LBP: variants seen among roughly 807,000 people sequenced by gnomAD.
LBP encodes lipopolysaccharide-binding protein.
In LBP, 53 loss-of-function variants were observed where a neutral mutation model predicts 56.6. The observed-to-expected ratio is 0.94, with a 90% confidence interval of 0.75 to 1.18. The LOEUF (loss-of-function observed/expected upper bound fraction) is 1.18, where lower values mean the gene tolerates loss of function less well. Ranked by LOEUF, LBP falls within the 50% of genes most tolerant of loss-of-function variation. The pLI is 0.00. For synonymous variants in LBP, 227 were observed against 247.5 expected (o/e 0.92, Z 0.78); for missense variants, 601 against 598.3 (o/e 1.00, Z -0.05).
At chr20:38,360,913 A>C in intron 6 of LBP, 146 bp downstream of exon 6, 64 of 540,328 alleles carry the variant, frequency 1.2e-4, no homozygotes, top group Non-Finnish European at 1.6e-4. Flanking sequence ...CTGTAATCTC[A>C]GCAGTCTGGG....
intron 8 of LBP, among the ~76,000 whole-genome samples, chr20:38,365,706 AAAAAAAAAAAAATAT>A (rs1315541969): frequency 3.9e-5 from 3 of 76,728 alleles, no homozygotes; most frequent in African/African-American, 1.9e-4. Context: ...CAAAAAAAAA[AAAAAAAAAAAAATAT>A]ATATATATAT....
intron 9 of LBP, among the ~76,000 whole-genome samples, chr20:38,368,445 C>A: frequency 6.6e-6 from 1 of 152,106 alleles, no homozygotes; most frequent in East Asian, 1.9e-4. Flanking sequence ...ACTAAAAATA[C>A]AAAATTAGCC....
chr20:38,347,541 C>CA (rs530947229), intron 1 of LBP, among the ~76,000 whole-genome samples: 2 of 151,624 alleles, frequency 1.3e-5, no homozygotes, highest in Admixed American at 6.6e-5. Flanking sequence ...GAGACTGTCT[C>CA]AAAAAAATAA....
At chr20:38,360,242 A>G (rs1158088694) in intron 5 of LBP, among the ~76,000 whole-genome samples, 3 of 147,528 alleles carry the variant, frequency 2.0e-5, no homozygotes, top group Non-Finnish European at 4.5e-5. Flanking sequence ...CCTGGCCAAC[A>G]GGGCGAGACT....
At chr20:38,376,424 T>C (rs1423482935) in intron 14 of LBP, among the ~76,000 whole-genome samples, 1 of 152,190 alleles carries the variant, frequency 6.6e-6, no homozygotes, top group South Asian at 2.1e-4. Flanking sequence ...GACAGATCGA[T>C]CTCTACCTTG....
chr20:38,362,103 GGCTGGA>G (rs2076862536), intron 6 of LBP, among the ~76,000 whole-genome samples: 2 of 142,454 alleles, frequency 1.4e-5, no homozygotes, highest in African/African-American at 5.3e-5. Flanking sequence ...CTGTTGCCCA[GGCTGGA>G]GTGCAGTGGC....
intron 5 of LBP, among the ~76,000 whole-genome samples, chr20:38,358,892 G>A (rs1028380255): frequency 6.6e-6 from 1 of 152,158 alleles, no homozygotes; most frequent in Non-Finnish European, 1.5e-5. Flanking sequence ...AAATATTGAC[G>A]TATGAACCCA....
intron 14 of LBP, among the ~76,000 whole-genome samples, chr20:38,375,985 G>A (rs912971819): frequency 6.6e-6 from 1 of 152,182 alleles, no homozygotes; most frequent in African/African-American, 2.4e-5. Flanking sequence ...CAGACAGATC[G>A]TTGTTCAAAG....
At position 38,363,998 on chromosome 20, in the gene LBP, G is replaced by C. The variant is rs545550026; in HGVS notation, c.676G>C (p.Ala226Pro). ...AGTTACAACAGAGATTGACAGTTTC[G>C]CCGACATTGATTATAGCTTAGTGGA... Reference protein sequence around the residue: ...LPVTTEIDSFADIDYSLVEAP... With the variant: ...LPVTTEIDSFPDIDYSLVEAP... The change falls in exon 7 of 15, where the codon GCC becomes CCC. Residue 226 changes from alanine to proline, a missense_variant. Coordinates refer to ENST00000217407, the MANE Select transcript of LBP (RefSeq NM_004139.5). 8.7e-6 allele frequency: 14 copies of C among 1,613,600 alleles called. No individual in the cohort carries two copies. Among genetic ancestry groups the C allele is most frequent in the East Asian group, 6.7e-5 (3 of 44,888 alleles).
intron 5 of LBP, among the ~76,000 whole-genome samples, chr20:38,358,109 G>A (rs1286443243): frequency 6.6e-6 from 1 of 152,102 alleles, no homozygotes; most frequent in Non-Finnish European, 1.5e-5. Flanking sequence ...TCCTGGGAAC[G>A]CAGCCCAGCA....
At chr20:38,367,423 C>T (rs754715128) in intron 9 of LBP, among the ~76,000 whole-genome samples, 11 of 152,144 alleles carry the variant, frequency 7.2e-5, no homozygotes, top group Non-Finnish European at 1.3e-4. Context: ...CACTGCACTC[C>T]AGCCTGGGCA....
intron 3 of LBP, among the ~76,000 whole-genome samples, chr20:38,352,720 A>G (rs188099698): frequency 2.4e-4 from 36 of 152,314 alleles, no homozygotes; most frequent in African/African-American, 8.7e-4. Context: ...ACGCCACTGC[A>G]CTCCAGTCTG....
intron 12 of LBP, among the ~76,000 whole-genome samples, chr20:38,372,246 G>A (rs542114818): frequency 6.6e-6 from 1 of 152,318 alleles, no homozygotes; most frequent in East Asian, 1.9e-4. Flanking sequence ...ATTCCATGAT[G>A]CTGGCCTCCA....
At chr20:38,363,009 G>T (rs1183226404) in intron 6 of LBP, among the ~76,000 whole-genome samples, 2 of 152,198 alleles carry the variant, frequency 1.3e-5, no homozygotes, top group Non-Finnish European at 1.5e-5. Context: ...CACCTGTAGT[G>T]TAGCTGGTTT....
Position 38,364,660 on chromosome 20 carries a change from G to T in LBP, c.829G>T (p.Val277Phe). 1.9e-6 allele frequency: 3 copies of T among 1,613,998 alleles called. No homozygotes were observed. The highest frequency in any genetic ancestry group is 1.7e-6 in the Non-Finnish European group (2 of 1,179,988). Residue 277 changes from valine (V) to phenylalanine (F), a missense_variant, in exon 8 of 15, where the codon GTC (valine) becomes TTC (phenylalanine). Coordinates refer to ENST00000217407, the MANE Select transcript of LBP (RefSeq NM_004139.5). ...MSLPEEHNKM[V>F]YFAISDYVFN... ...CCTTCCTGAGGAACACAACAAAATG[G>T]TCTACTTTGCCATCTCGGATTATGT...
intron 12 of LBP, among the ~76,000 whole-genome samples, chr20:38,372,363 C>T (rs1390529688): frequency 1.3e-5 from 2 of 152,210 alleles, no homozygotes; most frequent in Non-Finnish European, 2.9e-5. Context: ...CTGAAGCTAA[C>T]TCCTTTCAGA....
chr20:38,362,627 A>C (rs1866183875), intron 6 of LBP, among the ~76,000 whole-genome samples: 2 of 148,654 alleles, frequency 1.3e-5, no homozygotes, highest in Non-Finnish European at 3.0e-5. Context: ...AAGAAAAAAA[A>C]TAATAAATAA....
Position 38,373,090 on chromosome 20 carries a change from C to T in LBP, c.1279C>T (p.Leu427Phe), listed in dbSNP as rs1471996189. 1.5e-5 allele frequency: 25 copies of T among 1,613,894 alleles called. No individual in the cohort carries two copies. The highest frequency in any genetic ancestry group is 1.9e-5 in the Non-Finnish European group (23 of 1,179,852). The change falls in exon 13 of 15, where the codon CTC becomes TTC. Residue 427 changes from leucine to phenylalanine, a missense_variant. Coordinates refer to ENST00000217407, the MANE Select transcript of LBP (RefSeq NM_004139.5). The part of the protein sequence containing the change: ...GLFNAELLEA[L>F]LNYYILNTFY... ...CTTCCAGGCAGAGCTGTTGGAAGCG[C>T]TCCTCAACTATTACATCCTTAACAC...
intron 8 of LBP, among the ~76,000 whole-genome samples, chr20:38,366,383 G>A (rs1302361661): frequency 3.9e-5 from 6 of 152,170 alleles, no homozygotes; most frequent in Middle Eastern, 3.2e-3. Flanking sequence ...TAGGATGTTC[G>A]TTTAGGCCTC....
Sources: gnomAD v4.1 joint callset for allele counts (sites outside exome capture counted in the v4.1 genomes callset) on GRCh38, gnomAD v4.1.1 for gene constraint, MANE v1.5 for transcripts, NCBI Gene and HGNC (gene_info 2026-07-23, HGNC 2026-07-21) for gene names.